The following RCBTB2 variants were observed in gnomAD, a reference collection of about 807,000 sequenced individuals.
The protein encoded by RCBTB2 is RCC1 and BTB domain containing protein 2.
RCBTB2 carries 55 observed loss-of-function variants against 65.4 expected under a neutral mutation model. The ratio of observed to expected loss-of-function variants is 0.84; its 90% CI spans 0.68 to 1.05. RCBTB2 has a LOEUF of 1.05. RCBTB2 is among the 50% of genes least tolerant of loss of function. RCBTB2 has a pLI of 0.00. For synonymous variants in RCBTB2, 220 were observed against 255.2 expected (o/e 0.86, Z 1.31); for missense variants, 599 against 680.1 (o/e 0.88, Z 1.33).
intron 14 of RCBTB2, chr13:48,491,721 C>T (rs185458200): frequency 2.0e-4 from 30 of 152,240 alleles, no homozygotes; most frequent in African/African-American, 7.2e-4. Context: ...CAGATCTGGA[C>T]AGCATCAGGA....
At chr13:48,518,396 C>T (rs1349296975) in intron 4 of RCBTB2, among the ~76,000 whole-genome samples, 3 of 150,266 alleles carry the variant, frequency 2.0e-5, no homozygotes, top group African/African-American at 7.4e-5. Flanking sequence ...AGTTGGTTCT[C>T]CCATTCACTT....
At chr13:48,527,361 T>TATATATATGATATATATATATATGATATA in intron 1 of RCBTB2, among the ~76,000 whole-genome samples, 1 of 112,446 alleles carries the variant, frequency 8.9e-6, no homozygotes, top group African/African-American at 5.5e-5. Context: ...TGATATATAT[T>TATATATATGATATATATATATATGATATA]TATATATGAT....
intron 2 of RCBTB2, among the ~76,000 whole-genome samples, chr13:48,524,393 C>T (rs895011283): frequency 3.3e-5 from 5 of 152,172 alleles, no homozygotes; most frequent in Non-Finnish European, 7.3e-5. Flanking sequence ...CACTAAGTGC[C>T]TCACCTTATT....
At chr13:48,501,594 ATT>A (rs1566271291) in intron 12 of RCBTB2, 146 bp downstream of exon 12, 4 of 627,828 alleles carry the variant, frequency 6.4e-6, no homozygotes, top group Non-Finnish European at 1.1e-5. Context: ...TTTCATGTAT[ATT>A]TCTCCCCGCT....
Position 48,522,095 on chromosome 13 carries a change from T to C in RCBTB2, c.-23-133A>G. Reference sequence around the variant, plus strand: ...TGTTGTGAAAGGAAGATAAAGGAATTAAGCTTTAGGCATGGGAATGAACAG... The same window carrying C: ...TGTTGTGAAAGGAAGATAAAGGAATCAAGCTTTAGGCATGGGAATGAACAG... On this transcript the variant is annotated intron_variant, in intron 3 of 14. Transcript: ENST00000344532. 4 of 842,580 alleles carry C rather than the reference T, an allele frequency of 4.7e-6. No individual in the cohort carries two copies. In the South Asian group the frequency reaches 5.0e-5, roughly 11 times the overall value. The allele number at this position is 842,580 out of a possible 1,614,324, so 52.2% of individuals were successfully genotyped here.
intron 10 of RCBTB2, among the ~76,000 whole-genome samples, chr13:48,508,703 A>G (rs1038203902): frequency 6.6e-6 from 1 of 152,186 alleles, no homozygotes; most frequent in Admixed American, 6.5e-5. Flanking sequence ...TGGCCCATCC[A>G]TGATTTTTAT....
At chr13:48,515,873 G>A (rs1267070109) in intron 4 of RCBTB2, 132 bp from the exon 5 acceptor site, 11 of 887,322 alleles carry the variant, frequency 1.2e-5, no homozygotes, top group African/African-American at 8.7e-5. Context: ...GAGGCCTCTC[G>A]CAGCTGCAGG....
At position 48,489,453 on chromosome 13, in the gene RCBTB2, A is replaced by G. The variant is rs1219726871; in HGVS notation, c.*658T>C. 1 of 152,276 alleles carries G rather than the reference A, an allele frequency of 6.6e-6. No homozygotes were observed. Among genetic ancestry groups the G allele is most frequent in the Non-Finnish European group, 1.5e-5 (1 of 68,066 alleles). 9.4% of individuals were successfully genotyped at this position (152,276 alleles called of 1,614,324 possible). On this transcript the variant is annotated 3_prime_UTR_variant, in exon 15 of 15. Coordinates refer to ENST00000344532, the MANE Select transcript of RCBTB2 (RefSeq NM_001268.4). The stretch of plus-strand genomic sequence containing the variant: ...AATTAATGAATGACTCCAAGTAAAA[A>G]GAAAATTAAAATTAGCCCTTGGGCC...
intron 1 of RCBTB2, among the ~76,000 whole-genome samples, chr13:48,526,154 A>C (rs1951718426): frequency 1.3e-5 from 2 of 152,210 alleles, no homozygotes. Flanking sequence ...TATCATTCTA[A>C]TTTTGCCTTT....
intron 10 of RCBTB2, among the ~76,000 whole-genome samples, chr13:48,504,919 T>C (rs1488425469): frequency 6.6e-6 from 1 of 152,150 alleles, no homozygotes; most frequent in African/African-American, 2.4e-5. Context: ...GTAATCTCAC[T>C]GACTTATTAT....
At position 48,511,711 on chromosome 13, in the gene RCBTB2, T is replaced by G. The variant is rs1007257715; in HGVS notation, c.783+59A>C. 1.9e-5 allele frequency: 27 copies of G among 1,396,580 alleles called. 1 individual carries two copies. The East Asian group carries it at 3.5e-4, about 18-fold the overall frequency. 86.5% of individuals were successfully genotyped at this position (1,396,580 alleles called of 1,614,324 possible). On this transcript the variant is annotated intron_variant, in intron 9 of 14. Coordinates refer to ENST00000344532, the MANE Select transcript of RCBTB2 (RefSeq NM_001268.4). ...CAACAAATCTATGTTTTTAATACATTGATATCTTTGCCAGCGAAGACTTAA... is the reference window on the plus strand; with the variant it reads ...CAACAAATCTATGTTTTTAATACATGGATATCTTTGCCAGCGAAGACTTAA...
intron 14 of RCBTB2, among the ~76,000 whole-genome samples, chr13:48,491,467 A>G (rs961641307): frequency 2.0e-5 from 3 of 152,246 alleles, no homozygotes; most frequent in Non-Finnish European, 4.4e-5. Context: ...TCATCACAGC[A>G]TACTATACAT....
intron 10 of RCBTB2, chr13:48,504,166 C>A (rs1950376661): frequency 3.0e-6 from 3 of 985,260 alleles, no homozygotes; most frequent in Non-Finnish European, 2.4e-6. Flanking sequence ...CCACATCTGG[C>A]CCCTGTAACA....
chr13:48,508,410 A>T, intron 10 of RCBTB2, among the ~76,000 whole-genome samples: 1 of 148,732 alleles, frequency 6.7e-6, no homozygotes, highest in African/African-American at 2.6e-5. Context: ...ACATTCATCC[A>T]TGTTTTTTTT....
upstream of RCBTB2, among the ~76,000 whole-genome samples, chr13:48,534,392 G>A (rs1001302835): frequency 2.0e-5 from 3 of 152,052 alleles, no homozygotes; most frequent in African/African-American, 7.2e-5. Context: ...CAATAATCCT[G>A]TAAGGCAAGG....
At chr13:48,525,372 TGATATATATATATATA>T (rs1485553877) in intron 1 of RCBTB2, among the ~76,000 whole-genome samples, 4 of 67,544 alleles carry the variant, frequency 5.9e-5, no homozygotes, top group African/African-American at 2.1e-4. Flanking sequence ...AAAGGATTCA[TGATATATATATATATA>T]TATATATATA....
Position 48,489,842 on chromosome 13 carries a change from T to C in RCBTB2, c.*269A>G, listed in dbSNP as rs1949623189. On this transcript the variant is annotated 3_prime_UTR_variant, in exon 15 of 15. Transcript: ENST00000344532. ...GACCAGGGTACCAAAGGTGTCCAATTTAAGTGACTCAAAAAGAGGAAATGG... is the reference window on the plus strand; with the variant it reads ...GACCAGGGTACCAAAGGTGTCCAATCTAAGTGACTCAAAAAGAGGAAATGG... 2.3e-6 allele frequency: 1 copy of C among 443,256 alleles called. No homozygotes were observed. Among genetic ancestry groups the C allele is most frequent in the African/African-American group, 2.0e-5 (1 of 50,088 alleles). The allele number at this position is 443,256 out of a possible 1,614,324, so 27.5% of individuals were successfully genotyped here.
chr13:48,513,378 T>G (rs555039670), intron 6 of RCBTB2, among the ~76,000 whole-genome samples: 1 of 152,206 alleles, frequency 6.6e-6, no homozygotes, highest in Non-Finnish European at 1.5e-5. Context: ...TACTACTACT[T>G]AAGTCAAGAA....
intron 1 of RCBTB2, chr13:48,532,293 C>A (rs1952178190): frequency 1.3e-5 from 2 of 152,280 alleles, no homozygotes; most frequent in Admixed American, 6.5e-5. Context: ...AGACGCTCGG[C>A]GATTTCTTCC....
Sources: gnomAD v4.1 joint callset for allele counts (sites outside exome capture counted in the v4.1 genomes callset) on GRCh38, gnomAD v4.1.1 for gene constraint, MANE v1.5 for transcripts, NCBI Gene and HGNC (gene_info 2026-07-23, HGNC 2026-07-21) for gene names.